The following LRRC37A2 variants were observed in gnomAD, a reference collection of about 807,000 sequenced individuals.
The protein encoded by LRRC37A2 is leucine rich repeat containing 37 member A2, also known as leucine-rich repeat-containing protein 37A2.
Under a neutral mutation model 68.8 loss-of-function variants are expected in LRRC37A2, and 9 were observed. The ratio of observed to expected loss-of-function variants is 0.13; its 90% CI spans 0.08 to 0.23. LRRC37A2 has a LOEUF of 0.23. Ranked by LOEUF, LRRC37A2 falls within the 10% of genes least tolerant of loss-of-function variation. The pLI is 1.00. For synonymous variants in LRRC37A2, 63 were observed against 367.6 expected (o/e 0.17, Z 9.48); for missense variants, 168 against 950.4 (o/e 0.18, Z 10.82).
chr17:46,839,974 T>C, the LRRC37A2 span, among the ~76,000 whole-genome samples: 2 of 137,854 alleles, frequency 1.5e-5, no homozygotes, highest in African/African-American at 2.7e-5. Flanking sequence ...CTTTCTTTCT[T>C]TCTCTTCTTT....
the LRRC37A2 span, among the ~76,000 whole-genome samples, chr17:46,456,210 ATGTGTGTGTG>A: frequency 5.2e-4 from 47 of 90,720 alleles, 5 homozygotes; most frequent in Middle Eastern, 6.4e-3. Context: ...TCCATGGGAT[ATGTGTGTGTG>A]TGTGTGTGTG....
the LRRC37A2 span, among the ~76,000 whole-genome samples, chr17:46,796,152 C>T: frequency 1.3e-5 from 2 of 152,176 alleles, no homozygotes; most frequent in African/African-American, 2.4e-5. Flanking sequence ...CCCATTACCA[C>T]GTTTCCTTGG....
chr17:46,382,502 G>GC, the LRRC37A2 span, among the ~76,000 whole-genome samples: 1 of 55,538 alleles, frequency 1.8e-5, no homozygotes, highest in East Asian at 3.0e-4. Flanking sequence ...GCTTGGACTA[G>GC]CAGAGGTGTG....
At chr17:46,516,388 C>T (rs2051323486) in intron 2 of LRRC37A2, among the ~76,000 whole-genome samples, 1 of 139,746 alleles carries the variant, frequency 7.2e-6, no homozygotes, top group Non-Finnish European at 1.5e-5. Context: ...TAATGCAGAC[C>T]ATTGGTGCTA....
At chr17:46,458,102 T>C in the LRRC37A2 span, among the ~76,000 whole-genome samples, 37 of 81,932 alleles carry the variant, frequency 4.5e-4, no homozygotes, top group African/African-American at 1.4e-3. Context: ...ACCTTCCTTC[T>C]ATAAACACCT....
chr17:46,843,397 AG>A, the LRRC37A2 span, among the ~76,000 whole-genome samples: 5 of 152,164 alleles, frequency 3.3e-5, 1 homozygote, highest in South Asian at 1.0e-3. Context: ...ACTAATTAGG[AG>A]GGACTATTCC....
chr17:46,970,061 C>G, the LRRC37A2 span, among the ~76,000 whole-genome samples: 5,778 of 152,274 alleles, frequency 0.038, 211 homozygotes, highest in African/African-American at 0.098. Context: ...TGTAAAATGA[C>G]GATCATCCCC....
chr17:47,024,952 G>A, the LRRC37A2 span, among the ~76,000 whole-genome samples: 2 of 149,272 alleles, frequency 1.3e-5, no homozygotes, highest in Non-Finnish European at 3.0e-5. Flanking sequence ...ACAAAATACA[G>A]ACAAAAACAT....
the LRRC37A2 span, among the ~76,000 whole-genome samples, chr17:46,924,021 T>C: frequency 6.6e-6 from 1 of 152,230 alleles, no homozygotes; most frequent in Non-Finnish European, 1.5e-5. Context: ...AATTTTTAAG[T>C]GTACAATTCA....
chr17:46,819,474 G>A, the LRRC37A2 span, among the ~76,000 whole-genome samples: 2 of 152,148 alleles, frequency 1.3e-5, no homozygotes. This position sits in a 1 kb window ranked among gnomAD's most constrained non-coding sequence, Gnocchi z 5.3. Flanking sequence ...TCTCCTCCTT[G>A]AGGGGTTCAG....
At chr17:46,976,404 A>G in the LRRC37A2 span, among the ~76,000 whole-genome samples, 1 of 151,656 alleles carries the variant, frequency 6.6e-6, no homozygotes, top group Non-Finnish European at 1.5e-5. Flanking sequence ...ATAATTAGCC[A>G]GGCATGGTGG....
chr17:46,855,132 T>C, the LRRC37A2 span, among the ~76,000 whole-genome samples: 5 of 152,172 alleles, frequency 3.3e-5, no homozygotes, highest in South Asian at 4.1e-4. Flanking sequence ...GAAACCCTGC[T>C]TCCAGTCTGG....
At position 46,521,051 on chromosome 17, in the gene LRRC37A2, G is replaced by A. The variant is rs1281926188; in HGVS notation, c.2753+768G>A. On this transcript the variant is annotated intron_variant, in intron 4 of 14. Transcript: ENST00000576629. ...AGATGTTTAAAATGATGGTTAACTG[G>A]TAGAGCTAGAAATGTTTACACTAAG... is the stretch of plus-strand genomic sequence containing the variant. Among the ~76,000 whole-genome samples the A allele has an allele frequency of 1.0e-4, 8 of 80,036 alleles. 3 individuals carry two copies. Among genetic ancestry groups the A allele is most frequent in the Admixed American group, 7.6e-4 (6 of 7,924 alleles). 52.5% of individuals were successfully genotyped at this position (80,036 alleles called of 152,430 possible).
the LRRC37A2 span, among the ~76,000 whole-genome samples, chr17:47,029,056 G>A: frequency 6.6e-6 from 1 of 152,122 alleles, no homozygotes; most frequent in African/African-American, 2.4e-5. Context: ...GCGGGCGCCT[G>A]TGATCCTAGC....
At chr17:46,715,770 T>C in the LRRC37A2 span, among the ~76,000 whole-genome samples, 1 of 152,206 alleles carries the variant, frequency 6.6e-6, no homozygotes, top group Admixed American at 6.5e-5. Flanking sequence ...AAATTAATGG[T>C]TTAATAACTT....
At chr17:46,981,009 G>T in the LRRC37A2 span, among the ~76,000 whole-genome samples, 1 of 152,198 alleles carries the variant, frequency 6.6e-6, no homozygotes, top group African/African-American at 2.4e-5. Flanking sequence ...AGCGAAGGGG[G>T]GTGGGGGCAG....
chr17:46,971,323 C>T, the LRRC37A2 span, among the ~76,000 whole-genome samples: 8 of 152,010 alleles, frequency 5.3e-5, no homozygotes, highest in East Asian at 7.7e-4. Flanking sequence ...GGCAACAGAG[C>T]GAGACTCCTT....
chr17:46,940,505 C>T, the LRRC37A2 span: 2 of 1,613,656 alleles, frequency 1.2e-6, no homozygotes, highest in Non-Finnish European at 1.7e-6. Context: ...TTTTGGTAAT[C>T]CATAAAATGG....
At chr17:46,551,188 C>G (rs1221772337) in intron 11 of LRRC37A2, among the ~76,000 whole-genome samples, 6 of 149,158 alleles carry the variant, frequency 4.0e-5, no homozygotes, top group African/African-American at 1.6e-4. Context: ...TAGAGATGCT[C>G]AGCTTGCATC....
Sources: allele counts gnomAD v4.1 joint callset (sites outside exome capture counted in the v4.1 genomes callset), GRCh38; gene constraint gnomAD v4.1.1; non-coding constraint Gnocchi (gnomAD v3.1); transcripts MANE v1.5; gene names NCBI Gene and HGNC (gene_info 2026-07-23, HGNC 2026-07-21).